FAM174A: variants seen among roughly 807,000 people sequenced by gnomAD.
FAM174A encodes the protein family with sequence similarity 174 member A, also known as membrane protein FAM174A.
In FAM174A, 14 loss-of-function variants were observed where a neutral mutation model predicts 14.3. The ratio of observed to expected loss-of-function variants is 0.98; its 90% CI spans 0.65 to 1.53. The LOEUF is 1.53. FAM174A is among the 40% of genes most tolerant of loss of function. The pLI, the probability that FAM174A is intolerant of heterozygous loss-of-function variation, is 0.00. For missense variants in FAM174A, 241 were observed against 249.6 expected, an observed-to-expected ratio of 0.97 and a Z score of 0.23; for synonymous variants, 108 against 111.4, an observed-to-expected ratio of 0.97 and a Z score of 0.19.
chr5:100,573,809 TA>T (rs1278901101), intron 2 of FAM174A, among the ~76,000 whole-genome samples: 1 of 151,172 alleles, frequency 6.6e-6, no homozygotes, highest in Admixed American at 6.6e-5. Flanking sequence ...GGCATCACAC[TA>T]CCTGACTTCA....
At chr5:100,540,768 GT>G (rs1257388605) in intron 1 of FAM174A, among the ~76,000 whole-genome samples, 1 of 152,160 alleles carries the variant, frequency 6.6e-6, no homozygotes, top group East Asian at 1.9e-4. Context: ...AGAATGCTCT[GT>G]TTTTAAGTGA....
intron 2 of FAM174A, among the ~76,000 whole-genome samples, chr5:100,565,942 C>G (rs943466827): frequency 2.0e-5 from 3 of 151,050 alleles, no homozygotes; most frequent in African/African-American, 7.3e-5. Flanking sequence ...GGGAACCACC[C>G]TTTATAAAAC....
intron 1 of FAM174A, among the ~76,000 whole-genome samples, chr5:100,548,406 T>G (rs1160115664): frequency 6.6e-6 from 1 of 152,048 alleles, no homozygotes; most frequent in Non-Finnish European, 1.5e-5. Context: ...CAAGTTATTA[T>G]TATTATTATT....
intron 1 of FAM174A, among the ~76,000 whole-genome samples, chr5:100,558,319 C>G (rs1298218511): frequency 6.6e-6 from 1 of 152,146 alleles, no homozygotes; most frequent in South Asian, 2.1e-4. Flanking sequence ...GTTATAATTT[C>G]TGTTCTTTTA....
At chr5:100,556,316 T>C (rs1054924696) in intron 1 of FAM174A, among the ~76,000 whole-genome samples, 14 of 152,104 alleles carry the variant, frequency 9.2e-5, no homozygotes, top group Admixed American at 2.6e-4. Context: ...TGTTTTGGTA[T>C]CAGTACCATG....
intron 1 of FAM174A, among the ~76,000 whole-genome samples, chr5:100,549,674 T>C (rs1746225631): frequency 6.6e-6 from 1 of 151,880 alleles, no homozygotes; most frequent in Admixed American, 6.6e-5. Context: ...GCAGTAGCAG[T>C]ATACCTCGTT....
rs60668664 is a variant in FAM174A, at chr5:100,568,536, C to T, written c.569+6348C>T. On this transcript the variant is annotated intron_variant, in intron 2 of 2. Coordinates refer to ENST00000312637, the MANE Select transcript of FAM174A (RefSeq NM_198507.3). ...CATATATGTGTACTTTAGATATTAT[C>T]ACTTCACACTTCCCATTCCAGTTTA... Among the ~76,000 whole-genome samples the T allele has an allele frequency of 5.3e-3, 805 of 150,878 alleles. 9 individuals are homozygous for T. The highest frequency in any genetic ancestry group is 0.018 in the African/African-American group (749 of 41,370).
chr5:100,560,982 T>C (rs1175711653), intron 1 of FAM174A, among the ~76,000 whole-genome samples: 3 of 151,954 alleles, frequency 2.0e-5, no homozygotes, highest in Non-Finnish European at 2.9e-5. Context: ...AACATCTTAA[T>C]TGATACATCA....
At chr5:100,570,433 G>C (rs886814331) in intron 2 of FAM174A, among the ~76,000 whole-genome samples, 5 of 151,880 alleles carry the variant, frequency 3.3e-5, no homozygotes, top group African/African-American at 1.2e-4. Flanking sequence ...TGTGAAAGCT[G>C]CACACTGATC....
At chr5:100,585,509 G>C (rs530854508) in intron 2 of FAM174A, among the ~76,000 whole-genome samples, 1 of 152,248 alleles carries the variant, frequency 6.6e-6, no homozygotes, top group East Asian at 1.9e-4. Flanking sequence ...CGCCTCCCGA[G>C]TTCAAGTGAT....
chr5:100,547,979 C>T (rs1160444915), intron 1 of FAM174A, among the ~76,000 whole-genome samples: 1 of 152,040 alleles, frequency 6.6e-6, no homozygotes, highest in Non-Finnish European at 1.5e-5. Flanking sequence ...TCTGCTCTCA[C>T]TCAATAGTAT....
In FAM174A at chr5:100,566,842, G is replaced by A. The variant is rs374193096; in HGVS notation, c.569+4654G>A. 4.0e-5 allele frequency among the ~76,000 whole-genome samples: 6 copies of A among 151,778 alleles called. No homozygotes were observed. The East Asian group carries it at 5.8e-4, about 15-fold the overall frequency. On this transcript the variant is annotated intron_variant, in intron 2 of 2. Transcript: ENST00000312637. ...TCTATAGACCATAAAAAGTCATTTTGAAAATTTTAAGACAAGGGAAACTTT... is the reference window on the plus strand; with the variant it reads ...TCTATAGACCATAAAAAGTCATTTTAAAAATTTTAAGACAAGGGAAACTTT...
chr5:100,559,707 A>G (rs940424773), intron 1 of FAM174A, among the ~76,000 whole-genome samples: 4 of 152,004 alleles, frequency 2.6e-5, no homozygotes, highest in South Asian at 2.1e-4. Context: ...TTGATCTTCC[A>G]TCACTGATAC....
intron 2 of FAM174A, among the ~76,000 whole-genome samples, chr5:100,571,255 C>T (rs1746773204): frequency 6.6e-6 from 1 of 151,594 alleles, no homozygotes; most frequent in Non-Finnish European, 1.5e-5. Context: ...GATCCCTTTG[C>T]ATCTATGTAT....
At chr5:100,571,683 T>TATATATATATATATATACA (rs1746783254) in intron 2 of FAM174A, among the ~76,000 whole-genome samples, 1 of 146,808 alleles carries the variant, frequency 6.8e-6, no homozygotes, top group African/African-American at 2.5e-5. Context: ...TATATATATA[T>TATATATATATATATATACA]ATATATATAC....
chr5:100,565,816 A>G (rs1746631398), intron 2 of FAM174A, among the ~76,000 whole-genome samples: 1 of 151,660 alleles, frequency 6.6e-6, no homozygotes, highest in South Asian at 2.1e-4. Flanking sequence ...ATAAAGAAAA[A>G]GAGGTTTAAT....
At chr5:100,585,996 T>TTTAA (rs1268447296) in intron 2 of FAM174A, among the ~76,000 whole-genome samples, 185 bp from the exon 3 acceptor site, 2 of 152,204 alleles carry the variant, frequency 1.3e-5, no homozygotes, top group East Asian at 3.8e-4. Context: ...TTCTGTTTAA[T>TTTAA]AGATAATTTC....
intron 1 of FAM174A, among the ~76,000 whole-genome samples, chr5:100,543,550 C>T (rs80111636): frequency 6.6e-6 from 1 of 152,128 alleles, no homozygotes; most frequent in South Asian, 2.1e-4. Flanking sequence ...TTCATGGGAT[C>T]AATGTTCATA....
intron 1 of FAM174A, among the ~76,000 whole-genome samples, chr5:100,556,017 G>T (rs986771134): frequency 6.6e-6 from 1 of 152,018 alleles, no homozygotes; most frequent in Admixed American, 6.6e-5. Context: ...AGTCCTTGTC[G>T]GTGCCTATGT....
Sources: allele counts gnomAD v4.1 joint callset (sites outside exome capture counted in the v4.1 genomes callset), GRCh38; gene constraint gnomAD v4.1.1; transcripts MANE v1.5; gene names NCBI Gene and HGNC (gene_info 2026-07-23, HGNC 2026-07-21).